The following BPTF variants were observed in gnomAD, a reference collection of about 807,000 sequenced individuals.
BPTF encodes the protein nucleosome-remodeling factor subunit BPTF.
A neutral mutation model predicts 292.5 loss-of-function variants in BPTF; 18 were observed. The ratio of observed to expected loss-of-function variants is 0.06; its 90% CI spans 0.04 to 0.09. BPTF has a LOEUF of 0.09. BPTF is among the 10% of genes least tolerant of loss of function. The pLI, the probability that BPTF is intolerant of heterozygous loss-of-function variation, is 1.00. For synonymous variants in BPTF, 1,225 were observed against 1,251.9 expected (o/e 0.98, Z 0.45); for missense variants, 2,726 against 3,498.7 (o/e 0.78, Z 5.57).
At chr17:67,884,883 C>T (rs777997890) in intron 4 of BPTF, among the ~76,000 whole-genome samples, 7 of 151,988 alleles carry the variant, frequency 4.6e-5, no homozygotes, top group Non-Finnish European at 5.9e-5. Flanking sequence ...ATTTTCCCTT[C>T]GTGTATTGTG....
Position 67,911,762 on chromosome 17 carries a change from C to A in BPTF, c.3878C>A (p.Ser1293Tyr), listed in dbSNP as rs752998112. ...SESNSTLENS[S>Y]DTVSIQDSSE... ...TCTAATAGCACTTTGGAAAATAGTT[C>A]TGATACCGTGTCTATTCAGGATAGC... The change falls in exon 11 of 28, where the codon TCT (serine) becomes TAT (tyrosine). Residue 1293 changes from serine to tyrosine, a missense_variant. Around this residue, in one of 22 missense-constraint regions of BPTF, gnomAD observed 713 missense variants for 714.9 expected, o/e 1.00. Coordinates refer to ENST00000306378, the MANE Select transcript of BPTF (RefSeq NM_182641.4). 6.2e-7 allele frequency: 1 copy of A among 1,614,162 alleles called. No individual in the cohort carries two copies. Among genetic ancestry groups the A allele is most frequent in the South Asian group, 1.1e-5 (1 of 91,080 alleles).
intron 17 of BPTF, among the ~76,000 whole-genome samples, chr17:67,930,873 C>T (rs574439472): frequency 5.3e-5 from 8 of 151,782 alleles, no homozygotes; most frequent in East Asian, 1.9e-4. Flanking sequence ...GAGAATTGCT[C>T]GAACCCACAA....
intron 3 of BPTF, among the ~76,000 whole-genome samples, chr17:67,870,645 G>A (rs1030170848): frequency 1.3e-5 from 2 of 151,946 alleles, no homozygotes; most frequent in African/African-American, 4.8e-5. Context: ...TGAAAACAAT[G>A]GAAACTACTG....
intron 2 of BPTF, among the ~76,000 whole-genome samples, chr17:67,862,987 T>C (rs1429040584): frequency 6.6e-6 from 1 of 152,122 alleles, no homozygotes; most frequent in African/African-American, 2.4e-5. Flanking sequence ...AAAACCACTT[T>C]CACATTTTTG....
chr17:67,881,917 A>G (rs1598408267), intron 4 of BPTF, among the ~76,000 whole-genome samples: 1 of 121,378 alleles, frequency 8.2e-6, no homozygotes, highest in African/African-American at 3.1e-5. Flanking sequence ...CCCAGGCTGG[A>G]GTGCAGTGGC....
At chr17:67,918,357 G>A (rs919056568) in intron 11 of BPTF, among the ~76,000 whole-genome samples, 1 of 151,736 alleles carries the variant, frequency 6.6e-6, no homozygotes, top group African/African-American at 2.4e-5. Flanking sequence ...TCTATATTTG[G>A]TCCCCAAAAT....
At position 67,866,191 on chromosome 17, in the gene BPTF, C is replaced by G. The variant is rs150257868; in HGVS notation, c.1437-273C>G. Among the ~76,000 whole-genome samples the G allele has an allele frequency of 2.2e-3, 334 of 152,208 alleles. 1 individual carries two copies. Among genetic ancestry groups the G allele is most frequent in the African/African-American group, 7.5e-3 (310 of 41,530 alleles). On this transcript the variant is annotated intron_variant, in intron 2 of 27. Coordinates refer to ENST00000306378, the MANE Select transcript of BPTF (RefSeq NM_182641.4). The stretch of plus-strand genomic sequence containing the variant: ...CTCATCATATTGTTACATTGATGAT[C>G]TTAAAGTTGGTTGAGATGTAGCTGA...
intron 2 of BPTF, among the ~76,000 whole-genome samples, chr17:67,861,186 C>T (rs986684946): frequency 6.6e-6 from 1 of 152,110 alleles, no homozygotes; most frequent in Admixed American, 6.6e-5. Context: ...AAACTTTTTC[C>T]TTTATTGTTT....
Position 67,957,523 on chromosome 17 carries a change from GA to G in BPTF, c.7927-2015del, listed in dbSNP as rs140091815. ...TGAAGACCAGCCTAGCCTACATGGTGAAACCCTGTCTCTAAAAGAATTTTTA... is the reference window on the plus strand; with the variant it reads ...TGAAGACCAGCCTAGCCTACATGGTGAACCCTGTCTCTAAAAGAATTTTTA... On this transcript the variant is annotated intron_variant, in intron 23 of 27. Coordinates refer to ENST00000306378, the MANE Select transcript of BPTF (RefSeq NM_182641.4). 4.4e-3 allele frequency among the ~76,000 whole-genome samples: 673 copies of G among 152,282 alleles called. 5 individuals carry two copies. The highest frequency in any genetic ancestry group is 0.015 in the African/African-American group (635 of 41,552).
intron 1 of BPTF, among the ~76,000 whole-genome samples, chr17:67,850,283 T>C (rs943477836): frequency 4.6e-5 from 7 of 152,260 alleles, no homozygotes; most frequent in Non-Finnish European, 4.4e-5. Context: ...CTAGTTCATG[T>C]ATGTATTCAT....
intron 18 of BPTF, among the ~76,000 whole-genome samples, chr17:67,935,234 G>GC (rs2064816539): frequency 6.6e-6 from 1 of 152,068 alleles, no homozygotes; most frequent in African/African-American, 2.4e-5. Context: ...GACATCCTGG[G>GC]CAATGTAGTG....
chr17:67,970,140 G>A (rs2148504064), intron 26 of BPTF, among the ~76,000 whole-genome samples: 1 of 152,088 alleles, frequency 6.6e-6, no homozygotes, highest in South Asian at 2.1e-4. Context: ...GGCTGAGACA[G>A]GAGAATTGCT....
intron 1 of BPTF, among the ~76,000 whole-genome samples, chr17:67,837,246 G>C (rs560780250): frequency 3.3e-5 from 5 of 152,312 alleles, no homozygotes; most frequent in East Asian, 1.9e-4. Context: ...TGTCCTGAAT[G>C]TGCTAGAGAT....
In BPTF at chr17:67,826,192, G is replaced by C; in HGVS notation, c.468G>C (p.Gln156His). The part of the protein sequence containing the change: ...EEEDGDAEET[Q>H]DSEDDEEDEM... Reference sequence around the variant, plus strand: ...AGGACGGCGACGCCGAGGAGACCCAGGATTCTGAGGACGACGAGGAGGATG... The same window carrying C: ...AGGACGGCGACGCCGAGGAGACCCACGATTCTGAGGACGACGAGGAGGATG... Residue 156 changes from glutamine to histidine, a missense_variant, in exon 1 of 28, where the codon CAG (glutamine) becomes CAC (histidine). Physicochemically the swap from Gln to His is conservative, Grantham distance 24 (BLOSUM62 0). Coordinates refer to ENST00000306378, the MANE Select transcript of BPTF (RefSeq NM_182641.4). 1.9e-6 allele frequency: 3 copies of C among 1,611,122 alleles called. No homozygotes were observed. Among genetic ancestry groups the C allele is most frequent in the South Asian group, 2.2e-5 (2 of 91,006 alleles).
intron 9 of BPTF, 114 bp downstream of exon 9, chr17:67,904,954 G>A (rs915575541): frequency 5.8e-5 from 48 of 821,698 alleles, no homozygotes; most frequent in East Asian, 3.2e-4. Flanking sequence ...ATTTTTATTC[G>A]TACTGCAGAA....
intron 17 of BPTF, 150 bp downstream of exon 17, chr17:67,929,637 A>G (rs558655070): frequency 1.1e-6 from 1 of 895,796 alleles, no homozygotes; most frequent in Non-Finnish European, 1.7e-6. Flanking sequence ...AATCTGTTAT[A>G]TTTCTGATAA....
intron 1 of BPTF, among the ~76,000 whole-genome samples, chr17:67,850,051 G>A (rs776067730): frequency 7.2e-5 from 11 of 152,162 alleles, no homozygotes; most frequent in Non-Finnish European, 1.5e-4. Flanking sequence ...CTGTAGTCCT[G>A]TATTTACTTA....
Position 67,947,592 on chromosome 17 carries a change from T to A in BPTF, c.7618-134T>A, listed in dbSNP as rs530495293. 51 of 692,202 alleles carry A rather than the reference T, an allele frequency of 7.4e-5. No homozygotes were observed. The South Asian group carries it at 1.1e-3, about 14-fold the overall frequency. The allele number at this position is 692,202 out of a possible 1,614,324, so 42.9% of individuals were successfully genotyped here. On this transcript the variant is annotated intron_variant, in intron 21 of 27. Coordinates refer to ENST00000306378, the MANE Select transcript of BPTF (RefSeq NM_182641.4). ...GGCCATCTGGTAGCTGCTAATTTTA[T>A]TTATGTTACGATATAAAATTCTTAC...
rs1555673461 is a variant in BPTF at position 67,944,376 on chromosome 17, G to C, written c.6700+4G>C. On this transcript the variant is annotated splice_donor_region_variant and intron_variant, in intron 20 of 27. Transcript: ENST00000306378. ...ACTGTTTCCACGACAGCAGCAGGTA[G>C]AGCTGTGGGTTTATCGGAAATGTCG... 1.2e-6 allele frequency: 2 copies of C among 1,611,660 alleles called. No individual in the cohort carries two copies. Among genetic ancestry groups the C allele is most frequent in the East Asian group, 4.5e-5 (2 of 44,892 alleles).
Sources: allele counts gnomAD v4.1 joint callset (sites outside exome capture counted in the v4.1 genomes callset), GRCh38; gene constraint gnomAD v4.1.1; regional missense constraint gnomAD v4.1.1; transcripts MANE v1.5; gene names NCBI Gene and HGNC (gene_info 2026-07-23, HGNC 2026-07-21).